The following FAM184A variants were observed in gnomAD, a reference collection of about 807,000 sequenced individuals.
The protein encoded by FAM184A is family with sequence similarity 184 member A.
Under a neutral mutation model 143.8 loss-of-function variants are expected in FAM184A, and 99 were observed. The ratio of observed to expected loss-of-function variants is 0.69; its 90% CI spans 0.58 to 0.81. The LOEUF is 0.81. FAM184A is among the 40% of genes least tolerant of loss of function. The probability of loss-of-function intolerance (pLI) is 0.00; values close to 1 mark genes in which losing one functional copy is unlikely to be tolerated. For synonymous variants in FAM184A, 427 were observed against 446.4 expected, an observed-to-expected ratio of 0.96 and a Z score of 0.55; for missense variants, 1,217 against 1,310.5, an observed-to-expected ratio of 0.93 and a Z score of 1.10.
At chr6:119,114,959 A>G (rs936764701) in intron 1 of FAM184A, among the ~76,000 whole-genome samples, 4 of 152,178 alleles carry the variant, frequency 2.6e-5, no homozygotes, top group African/African-American at 9.7e-5. Flanking sequence ...GACTCAAGCA[A>G]TCCTCCCACT....
At position 118,960,122 on chromosome 6, in the gene FAM184A, G is replaced by A; in HGVS notation, c.3404C>T (p.Ala1135Val). 2 of 1,613,280 alleles carry A rather than the reference G, an allele frequency of 1.2e-6. No individual in the cohort carries two copies. Residue 1135 changes from alanine to valine, a missense_variant, in exon 18 of 18, where the codon GCC becomes GTC. Ala to Val is a moderately conservative substitution (Grantham distance 64). Transcript: ENST00000338891. ...ATTCTTTCAGAATGTGAAGTACCGG[G>A]CAAACCACTCCTGGCGCTGGGGATC... is the stretch of plus-strand genomic sequence containing the variant. Reference protein sequence around the residue: ...SPDPQRQEWFARYFTF With the variant: ...SPDPQRQEWFVRYFTF
intron 9 of FAM184A, among the ~76,000 whole-genome samples, chr6:118,992,763 CA>C (rs1934633868): frequency 6.6e-6 from 1 of 151,818 alleles, no homozygotes; most frequent in Non-Finnish European, 1.5e-5. Flanking sequence ...CCTGTTGCTA[CA>C]AAAAAACAAA....
In FAM184A at chr6:118,961,863, C is replaced by T. The variant is rs764735318; in HGVS notation, c.3239G>A (p.Arg1080His). Residue 1080 changes from arginine (R) to histidine (H), a missense_variant, in exon 17 of 18, where the codon CGC becomes CAC. Physicochemically the swap from Arg to His is conservative, Grantham distance 29 (BLOSUM62 0). Transcript: ENST00000338891. ...SGGVGNGHPN[R>H]LDPIPNSPVH... The stretch of plus-strand genomic sequence containing the variant: ...TGGAGAATTAGGAATGGGATCCAGG[C>T]GGTTAGGATGTCCATTGCCCACTCC... 1.7e-5 allele frequency: 27 copies of T among 1,613,778 alleles called. No homozygotes were observed. The highest frequency in any genetic ancestry group is 6.7e-5 in the East Asian group (3 of 44,878).
At chr6:119,094,472 A>G (rs919651696) in intron 1 of FAM184A, among the ~76,000 whole-genome samples, 1 of 152,172 alleles carries the variant, frequency 6.6e-6, no homozygotes, top group Non-Finnish European at 1.5e-5. Context: ...CCCTTCCACA[A>G]CATCCTGTCC....
At chr6:119,138,198 T>C (rs1404537956) in intron 1 of FAM184A, among the ~76,000 whole-genome samples, 1 of 152,228 alleles carries the variant, frequency 6.6e-6, no homozygotes, top group Non-Finnish European at 1.5e-5. Context: ...AAGTGAGATA[T>C]GTGAGCTACC....
At chr6:119,001,078 G>A (rs1347066727) in intron 9 of FAM184A, among the ~76,000 whole-genome samples, 1 of 149,606 alleles carries the variant, frequency 6.7e-6, no homozygotes, top group African/African-American at 2.5e-5. Flanking sequence ...TGTCCATAAC[G>A]ACGTTCCATT....
chr6:118,978,855 C>T (rs1419264247), intron 11 of FAM184A, among the ~76,000 whole-genome samples: 1 of 152,188 alleles, frequency 6.6e-6, no homozygotes, highest in Non-Finnish European at 1.5e-5. Context: ...TCTTTAAATA[C>T]ATATCCAGTT....
At chr6:119,141,944 C>T (rs911522941) in intron 1 of FAM184A, among the ~76,000 whole-genome samples, 2 of 152,200 alleles carry the variant, frequency 1.3e-5, no homozygotes, top group African/African-American at 4.8e-5. Flanking sequence ...AAAGGAATCA[C>T]ACAACAAATC....
At chr6:119,017,151 A>G (rs1237695879) in intron 4 of FAM184A, among the ~76,000 whole-genome samples, 1 of 152,228 alleles carries the variant, frequency 6.6e-6, no homozygotes, top group Non-Finnish European at 1.5e-5. Flanking sequence ...AAGAGATAAA[A>G]TAGACTATTA....
At chr6:118,994,598 A>G (rs1396142081) in intron 9 of FAM184A, among the ~76,000 whole-genome samples, 2 of 151,918 alleles carry the variant, frequency 1.3e-5, no homozygotes, top group Non-Finnish European at 2.9e-5. Flanking sequence ...AGGCAGGAGA[A>G]TTGCTTGAAC....
At chr6:119,103,431 A>T (rs1030941645) in intron 1 of FAM184A, among the ~76,000 whole-genome samples, 1 of 152,238 alleles carries the variant, frequency 6.6e-6, no homozygotes, top group Admixed American at 6.5e-5. Context: ...AAGACACTTT[A>T]GCTGATGCAA....
At chr6:118,960,843 G>C in intron 17 of FAM184A, 4 of 1,364,586 alleles carry the variant, frequency 2.9e-6, no homozygotes, top group Non-Finnish European at 3.9e-6. Context: ...TTGAGCTCAT[G>C]CACATGCATC....
upstream of FAM184A, among the ~76,000 whole-genome samples, chr6:119,081,738 G>A (rs1788072538): frequency 6.6e-6 from 1 of 152,226 alleles, no homozygotes; most frequent in South Asian, 2.1e-4. Flanking sequence ...CGACAGCCCA[G>A]GCTCTTCTCC....
intron 1 of FAM184A, among the ~76,000 whole-genome samples, chr6:119,108,602 G>T (rs1222892785): frequency 6.6e-6 from 1 of 151,972 alleles, no homozygotes; most frequent in African/African-American, 2.4e-5. Context: ...TCTTCAAATT[G>T]CAGGGAGTGC....
At chr6:119,000,608 T>C (rs1488238884) in intron 9 of FAM184A, among the ~76,000 whole-genome samples, 5 of 152,348 alleles carry the variant, frequency 3.3e-5, no homozygotes, top group South Asian at 2.1e-4. Flanking sequence ...AAGAGATTCA[T>C]AGGAAAGACA....
chr6:119,008,174 A>T (rs1379364817), intron 6 of FAM184A, among the ~76,000 whole-genome samples: 1 of 152,226 alleles, frequency 6.6e-6, no homozygotes, highest in East Asian at 1.9e-4. Flanking sequence ...GTCTCCCAAT[A>T]ACAAAATCTC....
chr6:119,105,536 C>T (rs1788755993), intron 1 of FAM184A, among the ~76,000 whole-genome samples: 1 of 152,176 alleles, frequency 6.6e-6, no homozygotes, highest in Non-Finnish European at 1.5e-5. Context: ...TCCTATTAAG[C>T]CTGCAGAACT....
chr6:119,134,131 CCACT>C (rs1269039566), intron 1 of FAM184A, among the ~76,000 whole-genome samples: 1 of 151,842 alleles, frequency 6.6e-6, no homozygotes, highest in African/African-American at 2.4e-5. Context: ...AAGGTATTTG[CCACT>C]CAAACTATTG....
At chr6:119,033,394 G>A (rs902734436) in intron 1 of FAM184A, among the ~76,000 whole-genome samples, 2 of 152,066 alleles carry the variant, frequency 1.3e-5, no homozygotes, top group Admixed American at 6.6e-5. Flanking sequence ...GGCCAGGTGC[G>A]GTGGCTCACG....
Sources: allele counts gnomAD v4.1 joint callset (sites outside exome capture counted in the v4.1 genomes callset), GRCh38; gene constraint gnomAD v4.1.1; transcripts MANE v1.5; gene names NCBI Gene and HGNC (gene_info 2026-07-23, HGNC 2026-07-21).